SBF2: variants seen among roughly 807,000 people sequenced by gnomAD.
SBF2 encodes the protein myotubularin-related protein 13.
SBF2 carries 112 observed loss-of-function variants against 225.2 expected under a neutral mutation model. That is an observed-to-expected ratio of 0.50 (90% CI 0.43 to 0.58). The LOEUF is 0.58. SBF2 is among the 20% of genes least tolerant of loss of function. The probability of loss-of-function intolerance (pLI) is 0.00; values close to 1 mark genes in which losing one functional copy is unlikely to be tolerated. For missense variants in SBF2, 1,996 were observed against 2,206.2 expected (o/e 0.90, Z 1.91); for synonymous variants, 763 against 773.3 (o/e 0.99, Z 0.22).
intron 20 of SBF2, among the ~76,000 whole-genome samples, chr11:9,853,059 G>C (rs1274672581): frequency 6.6e-6 from 1 of 152,166 alleles, no homozygotes. Context: ...ACCATGGAAA[G>C]TTACTCAGCC....
Position 10,185,117 on chromosome 11 carries a change from GGT to G in SBF2, c.141+8783_141+8784del, listed in dbSNP as rs1491049529. On this transcript the variant is annotated intron_variant, in intron 2 of 39. Transcript: ENST00000256190. Reference sequence around the variant, plus strand: ...AAGGCTGAATAATATTCTGGGGGGGGGTGTGTGTGTGCGTGCACACGTGTATC... The same window carrying G: ...AAGGCTGAATAATATTCTGGGGGGGGGTGTGTGTGCGTGCACACGTGTATC... 2.2e-3 allele frequency among the ~76,000 whole-genome samples: 329 copies of G among 151,366 alleles called. 2 individuals are homozygous for G. Among genetic ancestry groups the G allele is most frequent in the African/African-American group, 5.7e-3 (235 of 41,322 alleles).
chr11:10,020,336 A>C (rs1465322449), intron 6 of SBF2, among the ~76,000 whole-genome samples: 1 of 152,156 alleles, frequency 6.6e-6, no homozygotes, highest in African/African-American at 2.4e-5. Flanking sequence ...CAACTCCAGT[A>C]AACACACTGC....
chr11:9,954,389 T>C (rs933991310), intron 16 of SBF2, among the ~76,000 whole-genome samples: 2 of 152,202 alleles, frequency 1.3e-5, no homozygotes, highest in Non-Finnish European at 2.9e-5. Context: ...TCATGTTAAA[T>C]CCCTGTTGAT....
At chr11:10,179,504 G>T (rs1956641143) in intron 2 of SBF2, among the ~76,000 whole-genome samples, 1 of 152,070 alleles carries the variant, frequency 6.6e-6, no homozygotes, top group South Asian at 2.1e-4. Flanking sequence ...TGTAGCTGCT[G>T]GATGAAATGT....
intron 2 of SBF2, among the ~76,000 whole-genome samples, chr11:10,119,610 CATTT>C (rs1197711566): frequency 2.6e-5 from 4 of 152,080 alleles, no homozygotes; most frequent in African/African-American, 4.8e-5. Context: ...ATTATTTCTT[CATTT>C]ATTAAAGTGA....
intron 26 of SBF2, 84 bp downstream of exon 26, chr11:9,839,414 G>T: frequency 2.3e-6 from 3 of 1,310,388 alleles, no homozygotes; most frequent in Non-Finnish European, 2.2e-6. Flanking sequence ...CTATCTCAGG[G>T]CTATGGATGC....
intron 2 of SBF2, among the ~76,000 whole-genome samples, chr11:10,131,690 C>T (rs1316331009): frequency 6.6e-6 from 1 of 152,160 alleles, no homozygotes; most frequent in African/African-American, 2.4e-5. Context: ...ATCTGCCCAC[C>T]TCGGCCTCCC....
At chr11:9,819,507 T>C (rs1003685750) in intron 28 of SBF2, 6 of 152,170 alleles carry the variant, frequency 3.9e-5, no homozygotes, top group Non-Finnish European at 2.9e-5. Context: ...ACCTGTTAAA[T>C]GAAATTTCAG....
At chr11:10,182,971 C>T (rs1956796485) in intron 2 of SBF2, among the ~76,000 whole-genome samples, 1 of 151,962 alleles carries the variant, frequency 6.6e-6, no homozygotes, top group Non-Finnish European at 1.5e-5. Context: ...CAGGGTTTCA[C>T]CATGTTGGCC....
chr11:9,923,201 T>C (rs1863767763), intron 16 of SBF2, among the ~76,000 whole-genome samples: 1 of 152,114 alleles, frequency 6.6e-6, no homozygotes, highest in South Asian at 2.1e-4. Context: ...TTCCCCAAAC[T>C]AGCTTTGGAA....
At chr11:10,146,039 T>C (rs1309031968) in intron 2 of SBF2, among the ~76,000 whole-genome samples, 1 of 152,008 alleles carries the variant, frequency 6.6e-6, no homozygotes, top group Non-Finnish European at 1.5e-5. Flanking sequence ...AGGTCTACAA[T>C]GAGAATTACA....
At chr11:9,830,330 ACT>A (rs561595140) in intron 27 of SBF2, among the ~76,000 whole-genome samples, 6 of 152,354 alleles carry the variant, frequency 3.9e-5, no homozygotes, top group African/African-American at 1.2e-4. Flanking sequence ...TCTAAGACGC[ACT>A]GTTATTTTAT....
At chr11:9,789,391 CA>C (rs1313338496) in intron 34 of SBF2, 49 bp from the exon 35 acceptor site, 9 of 1,420,966 alleles carry the variant, frequency 6.3e-6, no homozygotes, top group Non-Finnish European at 9.0e-6. Context: ...CAAAGTACCC[CA>C]AGCTCACTGT....
chr11:10,246,029 C>T (rs973162960), intron 1 of SBF2, among the ~76,000 whole-genome samples: 2 of 152,060 alleles, frequency 1.3e-5, no homozygotes, highest in Non-Finnish European at 2.9e-5. Flanking sequence ...CAGTTATACA[C>T]GTGAATAAAT....
At position 10,284,609 on chromosome 11, in the gene SBF2, C is replaced by T. The variant is rs542830459; in HGVS notation, c.55+9406G>A. On this transcript the variant is annotated intron_variant, in intron 1 of 39. Coordinates refer to ENST00000256190, the MANE Select transcript of SBF2 (RefSeq NM_030962.4). ...GGGGTTTTTGCTTTTGTTTTTGAGA[C>T]GGGATCTTGTTCCATTACCCAGGCT... Among the ~76,000 whole-genome samples, 5 of 152,050 alleles carry T rather than the reference C, an allele frequency of 3.3e-5. 1 individual carries two copies. The highest frequency in any genetic ancestry group is 1.9e-4 in the East Asian group (1 of 5,174).
intron 17 of SBF2, among the ~76,000 whole-genome samples, chr11:9,858,841 CCTTA>C (rs1369908852): frequency 6.6e-6 from 1 of 152,106 alleles, no homozygotes; most frequent in East Asian, 1.9e-4. Context: ...TACAGCTTGG[CCTTA>C]CACACAGAAT....
intron 17 of SBF2, among the ~76,000 whole-genome samples, chr11:9,877,716 T>G (rs375652798): frequency 0.22 from 33,242 of 151,910 alleles, 4,289 homozygotes; most frequent in Non-Finnish European, 0.28. Context: ...TCCCTGCAAA[T>G]GACATGAACG....
chr11:9,878,082 C>T (rs1169557001), intron 17 of SBF2, among the ~76,000 whole-genome samples: 1 of 152,058 alleles, frequency 6.6e-6, no homozygotes, highest in African/African-American at 2.4e-5. Flanking sequence ...TTTTAATGAC[C>T]GCCATTCTAA....
At chr11:9,955,554 CT>C (rs1164217013) in intron 16 of SBF2, among the ~76,000 whole-genome samples, 5 of 152,026 alleles carry the variant, frequency 3.3e-5, no homozygotes, top group African/African-American at 1.2e-4. Context: ...ATTATATCTA[CT>C]GTCTCATACT....
Sources: gnomAD v4.1 joint callset for allele counts (sites outside exome capture counted in the v4.1 genomes callset) on GRCh38, gnomAD v4.1.1 for gene constraint, MANE v1.5 for transcripts, NCBI Gene and HGNC (gene_info 2026-07-23, HGNC 2026-07-21) for gene names.